The following ZBTB25 variants were observed in gnomAD, a reference collection of about 807,000 sequenced individuals.
ZBTB25 encodes the protein zinc finger and BTB domain containing 25.
A neutral mutation model predicts 34.2 loss-of-function variants in ZBTB25; 20 were observed. That is an observed-to-expected ratio of 0.58 (90% CI 0.41 to 0.85). The LOEUF is 0.85. ZBTB25 is among the 40% of genes least tolerant of loss of function. ZBTB25 has a pLI of 0.00. For synonymous variants in ZBTB25, 175 were observed against 186.4 expected (o/e 0.94, Z 0.50); for missense variants, 437 against 521.8 (o/e 0.84, Z 1.58).
At position 64,487,489 on chromosome 14, in the gene ZBTB25, C is replaced by T. The variant is rs1361681454; in HGVS notation, c.742G>A (p.Asp248Asn). ...HLCHYCGERF[D>N]SRSNLRQHLH... ...TGTTGCCTTAGGTTACTACGGGAAT[C>T]AAAACGTTCCCCACAGTAATGGCAT... Residue 248 changes from aspartate (D) to asparagine (N), a missense_variant, in exon 3 of 3, where the codon GAT becomes AAT. Transcript: ENST00000608382. The T allele has an allele frequency of 6.2e-7, 1 of 1,614,044 alleles. No homozygotes were observed. Among genetic ancestry groups the T allele is most frequent in the Non-Finnish European group, 8.5e-7 (1 of 1,180,010 alleles).
chr14:64,491,653 G>A (rs2079082222), intron 1 of ZBTB25, among the ~76,000 whole-genome samples: 1 of 152,170 alleles, frequency 6.6e-6, no homozygotes, highest in African/African-American at 2.4e-5. Flanking sequence ...GAAGTGCCCT[G>A]GTTTCAGGCA....
downstream of ZBTB25, chr14:64,474,620 T>G (rs1485116154): frequency 6.2e-6 from 1 of 160,910 alleles, no homozygotes; most frequent in Non-Finnish European, 1.5e-5. Context: ...ACTCTGCTAA[T>G]TGGGAATTGG....
chr14:64,457,330 C>G (rs2078491236), intron 2 of ZBTB25, among the ~76,000 whole-genome samples: 1 of 152,172 alleles, frequency 6.6e-6, no homozygotes, highest in African/African-American at 2.4e-5. Context: ...CCTCTACTCC[C>G]CAGCACTCAT....
downstream of ZBTB25, among the ~76,000 whole-genome samples, chr14:64,475,666 G>C (rs781491481): frequency 3.9e-5 from 6 of 152,158 alleles, no homozygotes; most frequent in African/African-American, 1.4e-4. Flanking sequence ...TTAGGAAAGA[G>C]AGTATGCGTG....
rs760245384 is a variant in ZBTB25, at chr14:64,487,129, T to C, written c.1102A>G (p.Met368Val). ...FPRKSQLLEH[M>V]YTHKGKSYRY... Reference sequence around the variant, plus strand: ...TAAGATTTACCTTTGTGTGTATACATGTGTTCCAACAATTGGCTCTTTCGA... The same window carrying C: ...TAAGATTTACCTTTGTGTGTATACACGTGTTCCAACAATTGGCTCTTTCGA... Residue 368 changes from methionine to valine, a missense_variant, in exon 3 of 3, where the codon ATG (methionine) becomes GTG (valine). Coordinates refer to ENST00000608382, the MANE Select transcript of ZBTB25 (RefSeq NM_006977.5). The C allele has an allele frequency of 6.2e-7, 1 of 1,614,234 alleles. No homozygotes were observed. The highest frequency in any genetic ancestry group is 8.5e-7 in the Non-Finnish European group (1 of 1,180,038).
chr14:64,476,125 G>A (rs2078717221), downstream of ZBTB25, among the ~76,000 whole-genome samples: 1 of 152,214 alleles, frequency 6.6e-6, no homozygotes, highest in Admixed American at 6.5e-5. Flanking sequence ...ACAGGTCACA[G>A]GTCTGCTCAG....
chr14:64,459,286 G>A (rs961445509), intron 2 of ZBTB25, among the ~76,000 whole-genome samples: 1 of 152,182 alleles, frequency 6.6e-6, no homozygotes, highest in East Asian at 1.9e-4. Context: ...GGACATTAGC[G>A]AAGGGGCATT....
In ZBTB25 at chr14:64,480,151, G is replaced by A. The variant is rs1452656309; in HGVS notation, c.*6772C>T. On this transcript the variant is annotated 3_prime_UTR_variant, in exon 3 of 3. Coordinates refer to ENST00000608382, the MANE Select transcript of ZBTB25 (RefSeq NM_006977.5). ...AGCCTGGCCAACATGGTGAAACTCCGTCTCTACTAGAAATACAAAAAATTA... is the reference window on the plus strand; with the variant it reads ...AGCCTGGCCAACATGGTGAAACTCCATCTCTACTAGAAATACAAAAAATTA... 4 of 190,588 alleles carry A rather than the reference G, an allele frequency of 2.1e-5. No individual in the cohort carries two copies. Among genetic ancestry groups the A allele is most frequent in the Non-Finnish European group, 3.3e-5 (3 of 89,788 alleles). The allele number at this position is 190,588 out of a possible 1,614,324, so 11.8% of individuals were successfully genotyped here.
At chr14:64,463,162 C>T (rs1329628401) in intron 2 of ZBTB25, 2 of 151,280 alleles carry the variant, frequency 1.3e-5, no homozygotes, top group African/African-American at 4.8e-5. Context: ...AAACAGCCTT[C>T]GTTGTCACTT....
chr14:64,461,225 T>A (rs1307769940), intron 2 of ZBTB25: 1 of 152,132 alleles, frequency 6.6e-6, no homozygotes, highest in African/African-American at 2.4e-5. Flanking sequence ...ACCTTGGTTT[T>A]ATTATTTTTA....
chr14:64,454,157 GGCTAGAGTGCAGTGGCACAATTTCAGC>G (rs1336731067), intron 2 of ZBTB25, among the ~76,000 whole-genome samples: 2 of 152,192 alleles, frequency 1.3e-5, no homozygotes, highest in African/African-American at 4.8e-5. Context: ...CCATTGCCCA[GGCTAGAGTGCAGTGGCACAATTTCAGC>G]TCACTGCAGC....
chr14:64,452,044 C>A (rs555795778), intron 2 of ZBTB25, among the ~76,000 whole-genome samples: 2 of 152,182 alleles, frequency 1.3e-5, no homozygotes, highest in African/African-American at 2.4e-5. Context: ...ACCTGTAATC[C>A]CAGCACTTTG....
At chr14:64,488,849 C>T (rs1021038479) in intron 2 of ZBTB25, among the ~76,000 whole-genome samples, 24 of 151,884 alleles carry the variant, frequency 1.6e-4, no homozygotes, top group African/African-American at 5.8e-4. Context: ...TACAACATTG[C>T]GAATGTGATT....
rs1037714631 is a variant in ZBTB25 at position 64,498,727 on chromosome 14, G to A, written c.-8+4934C>T. ...CGGCTCACTGCAAGCTCCGCCTCCC[G>A]GGTTCGCGCCATTCTCCTGCCTCAG... On this transcript the variant is annotated intron_variant, in intron 1 of 2. Transcript: ENST00000608382. Among the ~76,000 whole-genome samples the A allele has an allele frequency of 2.0e-4, 31 of 152,076 alleles. No individual in the cohort carries two copies. The East Asian group carries it at 4.1e-3, about 20-fold the overall frequency.
chr14:64,481,411 C>A lies in ZBTB25; in HGVS notation c.*5512G>T, dbSNP rs2078791892. On this transcript the variant is annotated 3_prime_UTR_variant, in exon 3 of 3. Transcript: ENST00000608382. The stretch of plus-strand genomic sequence containing the variant: ...TACATTAGGTGGATGAGTTTAGCCA[C>A]ACAATGTATTATTGATTTTGGTCTC... The A allele has an allele frequency of 6.6e-6, 1 of 152,224 alleles. No individual in the cohort carries two copies. Among genetic ancestry groups the A allele is most frequent in the African/African-American group, 2.4e-5 (1 of 41,454 alleles). The allele number at this position is 152,224 out of a possible 1,614,324, so 9.4% of individuals were successfully genotyped here. A position where few individuals can be genotyped will look rare whatever the true frequency, so the allele number is the denominator to read the frequency against.
At chr14:64,457,979 C>T (rs1360358543) in intron 2 of ZBTB25, 6 of 590,058 alleles carry the variant, frequency 1.0e-5, no homozygotes, top group Non-Finnish European at 1.5e-5. Context: ...TGGCCTCAAC[C>T]TCCTAGCCTC....
chr14:64,495,150 A>C (rs757602529), intron 1 of ZBTB25, among the ~76,000 whole-genome samples: 3 of 152,244 alleles, frequency 2.0e-5, no homozygotes, highest in Admixed American at 6.5e-5. Context: ...TTTCTGGATT[A>C]TAGTCTAGGT....
At chr14:64,499,706 T>G (rs1037235970) in intron 1 of ZBTB25, 2 of 152,250 alleles carry the variant, frequency 1.3e-5, no homozygotes, top group Non-Finnish European at 2.9e-5. Context: ...ATTTACTCTC[T>G]TACTCCATTA....
downstream of ZBTB25, among the ~76,000 whole-genome samples, chr14:64,475,091 T>C (rs1423878555): frequency 1.3e-5 from 2 of 152,224 alleles, no homozygotes; most frequent in Non-Finnish European, 2.9e-5. Flanking sequence ...AAATGTCTTC[T>C]TAATGTACAA....
Sources: allele counts gnomAD v4.1 joint callset (sites outside exome capture counted in the v4.1 genomes callset), GRCh38; gene constraint gnomAD v4.1.1; transcripts MANE v1.5; gene names NCBI Gene and HGNC (gene_info 2026-07-23, HGNC 2026-07-21).